GALNT18: variants seen among roughly 807,000 people sequenced by gnomAD.
The protein encoded by GALNT18 is GalNAc-transferase 18.
Under a neutral mutation model 69.5 loss-of-function variants are expected in GALNT18, and 44 were observed. The ratio of observed to expected loss-of-function variants is 0.63; its 90% confidence interval spans 0.50 to 0.81. The LOEUF is 0.81. GALNT18 is among the 40% of genes least tolerant of loss of function. The pLI, the probability that GALNT18 is intolerant of heterozygous loss-of-function variation, is 0.00. For missense variants in GALNT18, 715 were observed against 810.0 expected, an observed-to-expected ratio of 0.88 and a Z score of 1.42; for synonymous variants, 364 against 318.2, an observed-to-expected ratio of 1.14 and a Z score of -1.53.
At position 11,379,189 on chromosome 11, in the gene GALNT18, C is replaced by T. The variant is rs748397179; in HGVS notation, c.671G>A (p.Arg224His). Reference protein sequence around the residue: ...SQKPGFIKVVRHSKQEGLIRS... With the variant: ...SQKPGFIKVVHHSKQEGLIRS... ...GATGAGGCCTTCCTGCTTGCTGTGACGCACGACTTTGATGAAGCCTGGCTT... is the reference window on the plus strand; with the variant it reads ...GATGAGGCCTTCCTGCTTGCTGTGATGCACGACTTTGATGAAGCCTGGCTT... Residue 224 changes from arginine to histidine, a missense_variant, in exon 4 of 11, where the codon CGT (arginine) becomes CAT (histidine). Coordinates refer to ENST00000227756, the MANE Select transcript of GALNT18 (RefSeq NM_198516.3). 8.2e-5 allele frequency: 132 copies of T among 1,612,654 alleles called. 1 individual carries two copies. In the Middle Eastern group the frequency reaches 1.8e-3, roughly 22 times the overall value.
Position 11,555,901 on chromosome 11 carries a change from G to A in GALNT18, c.235+65458C>T, listed in dbSNP as rs566804375. 3.9e-5 allele frequency among the ~76,000 whole-genome samples: 6 copies of A among 152,306 alleles called. No individual in the cohort carries two copies. Among genetic ancestry groups the A allele is most frequent in the South Asian group, 4.1e-4 (2 of 4,828 alleles). On this transcript the variant is annotated intron_variant, in intron 1 of 10. Transcript: ENST00000227756. This position sits in a 1 kb window ranked among gnomAD's most constrained non-coding sequence, Gnocchi z 4.7. ...ATCAGGAAAGAGGCTGGGGTCTCAC[G>A]AGAATGCAGAGCAGGATCATCTGAA... is the stretch of plus-strand genomic sequence containing the variant.
intron 1 of GALNT18, among the ~76,000 whole-genome samples, chr11:11,457,222 G>C (rs371374134): frequency 6.6e-6 from 1 of 152,222 alleles, no homozygotes; most frequent in South Asian, 2.1e-4. Flanking sequence ...ATGGAGTGGG[G>C]AGGAAACGGG....
intron 1 of GALNT18, among the ~76,000 whole-genome samples, chr11:11,491,091 A>G (rs1239129211): frequency 6.6e-6 from 1 of 152,140 alleles, no homozygotes; most frequent in Non-Finnish European, 1.5e-5. Context: ...TCTCTAGTCC[A>G]AATCACTTCT....
chr11:11,512,388 A>G (rs1435017792), intron 1 of GALNT18, among the ~76,000 whole-genome samples: 2 of 152,238 alleles, frequency 1.3e-5, no homozygotes, highest in African/African-American at 4.8e-5. Flanking sequence ...GAAATAGTTC[A>G]TGGTGCTTGT....
intron 10 of GALNT18, among the ~76,000 whole-genome samples, chr11:11,278,684 T>TG (rs1196109683): frequency 6.6e-6 from 1 of 151,876 alleles, no homozygotes; most frequent in Non-Finnish European, 1.5e-5. Flanking sequence ...GAGAGAATGA[T>TG]GGTTACCAGA....
At position 11,295,290 on chromosome 11, in the gene GALNT18, C is replaced by A. The variant is rs187422063; in HGVS notation, c.1513-2097G>T. Among the ~76,000 whole-genome samples, 3 of 152,124 alleles carry A rather than the reference C, an allele frequency of 2.0e-5. No homozygotes were observed. The East Asian group carries it at 5.8e-4, about 29-fold the overall frequency. ...GACGGCCCACTTTAGTAGGGGGAGACCCGAGGAGTATGTAATAAAGGCACC... is the reference window on the plus strand; with the variant it reads ...GACGGCCCACTTTAGTAGGGGGAGAACCGAGGAGTATGTAATAAAGGCACC... On this transcript the variant is annotated intron_variant, in intron 9 of 10. Transcript: ENST00000227756.
At chr11:11,519,389 G>C (rs1482460175) in intron 1 of GALNT18, among the ~76,000 whole-genome samples, 1 of 152,178 alleles carries the variant, frequency 6.6e-6, no homozygotes, top group Non-Finnish European at 1.5e-5. Context: ...CTGTGGCTGG[G>C]AGCATTGTTC....
Position 11,621,575 on chromosome 11 carries a change from T to C in GALNT18, c.19A>G (p.Thr7Ala), listed in dbSNP as rs1860194938. 1 of 1,605,804 alleles carries C rather than the reference T, an allele frequency of 6.2e-7. No homozygotes were observed. Among genetic ancestry groups the C allele is most frequent in the Non-Finnish European group, 8.5e-7 (1 of 1,175,660 alleles). The change falls in exon 1 of 11, where the codon ACC becomes GCC. Residue 7 changes from threonine (T) to alanine (A), a missense_variant. Transcript: ENST00000227756. The surrounding 1 kb of genome is among the most constrained non-coding windows in gnomAD (Gnocchi z 9.3). ...ACGCAAGTGGACACCAAAGTTTTGG[T>C]CTTCCTGGTGCACACCATTCTGGGC... MVCTRK[T>A]KTLVSTCVIL...
chr11:11,450,447 T>C (rs1855768959), intron 1 of GALNT18, among the ~76,000 whole-genome samples: 1 of 152,058 alleles, frequency 6.6e-6, no homozygotes. Context: ...CCCCCTACCA[T>C]GGAAGGGGTG....
intron 9 of GALNT18, among the ~76,000 whole-genome samples, chr11:11,312,049 C>T (rs914779859): frequency 8.5e-5 from 13 of 152,306 alleles, no homozygotes; most frequent in Admixed American, 2.0e-4. Context: ...CTCTACCTCC[C>T]GGGTTCACGC....
At chr11:11,342,366 A>ACT (rs1322226632) in intron 6 of GALNT18, among the ~76,000 whole-genome samples, 4 of 152,254 alleles carry the variant, frequency 2.6e-5, no homozygotes, top group Non-Finnish European at 5.9e-5. Context: ...AGTAGATATT[A>ACT]CTTGCCAGAT....
chr11:11,462,964 C>T (rs1196936255), intron 1 of GALNT18, among the ~76,000 whole-genome samples: 1 of 152,154 alleles, frequency 6.6e-6, no homozygotes, highest in Non-Finnish European at 1.5e-5. Context: ...ACCAGCAAAC[C>T]TCCTCTCTCA....
Position 11,606,186 on chromosome 11 carries a change from GGTTT to G in GALNT18, c.235+15169_235+15172del, listed in dbSNP as rs1482356769. ...TCTTACTGAGAGGTTTTAGGCAGCT[GGTTT>G]ATTTATTCATGTGTTTACTCAGCAA... is the stretch of plus-strand genomic sequence containing the variant. On this transcript the variant is annotated intron_variant, in intron 1 of 10. Coordinates refer to ENST00000227756, the MANE Select transcript of GALNT18 (RefSeq NM_198516.3). This position sits in a 1 kb window ranked among gnomAD's most constrained non-coding sequence, Gnocchi z 5.4. Among the ~76,000 whole-genome samples, 1 of 152,124 alleles carries G rather than the reference GGTTT, an allele frequency of 6.6e-6. No homozygotes were observed. Among genetic ancestry groups the G allele is most frequent in the Non-Finnish European group, 1.5e-5 (1 of 68,026 alleles).
In GALNT18 at chr11:11,436,041, C is replaced by T. The variant is rs1196360932; in HGVS notation, c.429-3254G>A. Among the ~76,000 whole-genome samples, 1 of 152,264 alleles carries T rather than the reference C, an allele frequency of 6.6e-6. No individual in the cohort carries two copies. Among genetic ancestry groups the T allele is most frequent in the African/African-American group, 2.4e-5 (1 of 41,470 alleles). Reference sequence around the variant, plus strand: ...TCAGGAGACACCTTTCCTCAGCCTTCAGTTTCTCCACACCTGACCTAATGT... The same window carrying T: ...TCAGGAGACACCTTTCCTCAGCCTTTAGTTTCTCCACACCTGACCTAATGT... On this transcript the variant is annotated intron_variant, in intron 2 of 10. Coordinates refer to ENST00000227756, the MANE Select transcript of GALNT18 (RefSeq NM_198516.3). The surrounding 1 kb of genome is among the most constrained non-coding windows in gnomAD (Gnocchi z 4.5).
intron 10 of GALNT18, among the ~76,000 whole-genome samples, chr11:11,283,039 G>A (rs1378044498): frequency 6.6e-6 from 1 of 152,100 alleles, no homozygotes; most frequent in African/African-American, 2.4e-5. Context: ...GGGAGGAGGT[G>A]GCCCACGGCA....
In GALNT18 at chr11:11,430,660, T is replaced by C. The variant is rs1210541272; in HGVS notation, c.595+1961A>G. Among the ~76,000 whole-genome samples the C allele has an allele frequency of 6.6e-6, 1 of 152,208 alleles. No individual in the cohort carries two copies. Among genetic ancestry groups the C allele is most frequent in the Non-Finnish European group, 1.5e-5 (1 of 68,028 alleles). On this transcript the variant is annotated intron_variant, in intron 3 of 10. Transcript: ENST00000227756. This position sits in a 1 kb window ranked among gnomAD's most constrained non-coding sequence, Gnocchi z 4.9. ...TTGCCATCCTCTGAATCACCCTGGCTTGAAACTCTGAGCCATCATTGACCT... is the reference window on the plus strand; with the variant it reads ...TTGCCATCCTCTGAATCACCCTGGCCTGAAACTCTGAGCCATCATTGACCT...
At chr11:11,468,604 G>C (rs1339194676) in intron 1 of GALNT18, among the ~76,000 whole-genome samples, 1 of 152,172 alleles carries the variant, frequency 6.6e-6, no homozygotes, top group Admixed American at 6.5e-5. Flanking sequence ...CTGCAGGGAG[G>C]TTGCTGGGAG....
chr11:11,490,821 G>A (rs1356538673), intron 1 of GALNT18, among the ~76,000 whole-genome samples: 12 of 152,238 alleles, frequency 7.9e-5, no homozygotes, highest in Non-Finnish European at 1.6e-4. Context: ...GGCTGGGCCT[G>A]GGTCTCCCTA....
rs36124638 is a variant in GALNT18 at position 11,564,710 on chromosome 11, C to T, written c.235+56649G>A. Among the ~76,000 whole-genome samples the T allele has an allele frequency of 0.21, 32,411 of 152,170 alleles. 4,363 individuals are homozygous for T. The highest frequency in any genetic ancestry group is 0.36 in the South Asian group (1,748 of 4,812). On this transcript the variant is annotated intron_variant, in intron 1 of 10. Transcript: ENST00000227756. This position sits in a 1 kb window ranked among gnomAD's most constrained non-coding sequence, Gnocchi z 4.3. ...CCAAGAAGTATCCAGCCAGTCAACC[C>T]ACACAGCACATTTGCCTAGACTATC...
Sources: allele counts gnomAD v4.1 joint callset (sites outside exome capture counted in the v4.1 genomes callset), GRCh38; gene constraint gnomAD v4.1.1; non-coding constraint Gnocchi (gnomAD v3.1); transcripts MANE v1.5; gene names NCBI Gene and HGNC (gene_info 2026-07-23, HGNC 2026-07-21).